Variants in KALRN observed in about 807,000 individuals in gnomAD.
The protein encoded by KALRN is kalirin.
A neutral mutation model predicts 353.7 loss-of-function variants in KALRN; 70 were observed. The ratio of observed to expected loss-of-function variants is 0.20; its 90% CI spans 0.16 to 0.24. The LOEUF (loss-of-function observed/expected upper bound fraction) is 0.24, where lower values mean the gene tolerates loss of function less well. Among genes scored for constraint, KALRN ranks in the 10% least tolerant of loss-of-function variants. The pLI, the probability that KALRN is intolerant of heterozygous loss-of-function variation, is 1.00. For synonymous variants in KALRN, 1,391 were observed against 1,434.8 expected (o/e 0.97, Z 0.69); for missense variants, 2,791 against 3,756.7 (o/e 0.74, Z 6.72).
intron 1 of KALRN, among the ~76,000 whole-genome samples, chr3:124,106,415 T>C (rs906547701): frequency 6.6e-6 from 1 of 152,158 alleles, no homozygotes. Flanking sequence ...GAGGGTGTTA[T>C]TCTCATTGTA....
intron 51 of KALRN, among the ~76,000 whole-genome samples, chr3:124,691,131 ATTAT>A (rs1220863271): frequency 1.3e-5 from 2 of 152,202 alleles, no homozygotes; most frequent in African/African-American, 4.8e-5. Flanking sequence ...TTCAAAAATA[ATTAT>A]TAAGAAAGTG....
At chr3:124,640,218 G>A (rs559114033) in intron 37 of KALRN, among the ~76,000 whole-genome samples, 5 of 151,680 alleles carry the variant, frequency 3.3e-5, no homozygotes, top group African/African-American at 1.2e-4. Context: ...AGAAGCAATA[G>A]TATTCAAAGG....
At chr3:124,089,564 G>C (rs1461750363) in intron 1 of KALRN, among the ~76,000 whole-genome samples, 1 of 152,160 alleles carries the variant, frequency 6.6e-6, no homozygotes, top group Non-Finnish European at 1.5e-5. Flanking sequence ...GAGGGAAACA[G>C]AGGAGGTAAC....
intron 1 of KALRN, among the ~76,000 whole-genome samples, chr3:124,201,863 C>T (rs2075974321): frequency 6.6e-6 from 1 of 152,194 alleles, no homozygotes; most frequent in African/African-American, 2.4e-5. Flanking sequence ...TTTACTTGGG[C>T]CACATCTATG....
chr3:124,380,912 A>T (rs115741296), intron 10 of KALRN, among the ~76,000 whole-genome samples: 2,085 of 152,312 alleles, frequency 0.014, 44 homozygotes, highest in African/African-American at 0.048. Context: ...AGGGTTGAAT[A>T]TTAACATTGG....
intron 34 of KALRN, among the ~76,000 whole-genome samples, chr3:124,619,827 G>C (rs2079077416): frequency 6.6e-6 from 1 of 151,818 alleles, no homozygotes; most frequent in African/African-American, 2.4e-5. Flanking sequence ...CCTACATACT[G>C]TTTGCATAAT....
chr3:124,227,674 T>TTTTTTG (rs1560289099), intron 1 of KALRN, among the ~76,000 whole-genome samples: 1 of 22,244 alleles, frequency 4.5e-5, no homozygotes, highest in African/African-American at 1.7e-4. Context: ...TTTTTTTTTT[T>TTTTTTG]TTTTTTTTTT....
chr3:124,060,541 G>A (rs191989589), intron 1 of KALRN, among the ~76,000 whole-genome samples: 2 of 152,290 alleles, frequency 1.3e-5, no homozygotes, highest in African/African-American at 4.8e-5. Context: ...TGGTGCACAT[G>A]GCCTACTGGC....
chr3:124,446,911 C>G, intron 21 of KALRN, 26 bp downstream of exon 21: 2 of 1,613,118 alleles, frequency 1.2e-6, no homozygotes, highest in Non-Finnish European at 1.7e-6. Flanking sequence ...GAGCCTCCCC[C>G]AGATCCACCC....
chr3:124,081,953 A>G (rs1283766633), intron 1 of KALRN, among the ~76,000 whole-genome samples: 36 of 152,206 alleles, frequency 2.4e-4, no homozygotes, highest in Non-Finnish European at 7.3e-5. Context: ...GCATCATCAT[A>G]AAAAGAATAG....
intron 1 of KALRN, among the ~76,000 whole-genome samples, chr3:124,081,604 C>T (rs992593455): frequency 6.6e-6 from 1 of 152,032 alleles, no homozygotes; most frequent in African/African-American, 2.4e-5. Context: ...GATGTTGTTT[C>T]TACTAAAAAT....
At chr3:124,307,725 A>G (rs1336313740) in intron 6 of KALRN, among the ~76,000 whole-genome samples, 2 of 152,020 alleles carry the variant, frequency 1.3e-5, no homozygotes, top group Non-Finnish European at 2.9e-5. Context: ...GAAGTATAAA[A>G]AAGACATATA....
Position 124,334,639 on chromosome 3 carries a change from C to T in KALRN, c.1647+144C>T, listed in dbSNP as rs2080938239. 1 of 629,680 alleles carries T rather than the reference C, an allele frequency of 1.6e-6. No homozygotes were observed. Among genetic ancestry groups the T allele is most frequent in the South Asian group, 2.0e-5 (1 of 50,798 alleles). The allele number at this position is 629,680 out of a possible 1,614,324, so 39.0% of individuals were successfully genotyped here. A position where few individuals can be genotyped will look rare whatever the true frequency, so the allele number is the denominator to read the frequency against. On this transcript the variant is annotated intron_variant, in intron 9 of 59. Coordinates refer to ENST00000682506, the MANE Select transcript of KALRN (RefSeq NM_001388419.1). The surrounding 1 kb of genome is among the most constrained non-coding windows in gnomAD (Gnocchi z 4.2). The stretch of plus-strand genomic sequence containing the variant: ...TTCAGCTCTCAACTGCTCCACAGAA[C>T]CCTACCAAAACACAGAACAAAAACT...
intron 9 of KALRN, among the ~76,000 whole-genome samples, chr3:124,342,192 G>A (rs545363749): frequency 5.8e-5 from 8 of 138,260 alleles, no homozygotes; most frequent in African/African-American, 2.3e-4. Flanking sequence ...ATAAATATAC[G>A]GAGTCCAAGT....
intron 1 of KALRN, among the ~76,000 whole-genome samples, chr3:124,188,051 C>T (rs182332906): frequency 3.9e-5 from 6 of 152,296 alleles, no homozygotes; most frequent in South Asian, 2.1e-4. Flanking sequence ...AAAAAACCCA[C>T]GTGTGGGCCC....
At chr3:124,210,648 G>T (rs1178738867) in intron 1 of KALRN, among the ~76,000 whole-genome samples, 2 of 152,096 alleles carry the variant, frequency 1.3e-5, no homozygotes, top group African/African-American at 4.8e-5. Flanking sequence ...AAACACAAAG[G>T]GAACTGAGGT....
At chr3:124,378,127 CT>C (rs1337762649) in intron 10 of KALRN, among the ~76,000 whole-genome samples, 3 of 151,812 alleles carry the variant, frequency 2.0e-5, no homozygotes. Flanking sequence ...CTTTTCCTCC[CT>C]TTTTTTGCTT....
chr3:124,540,757 T>C (rs1270061011), intron 33 of KALRN, among the ~76,000 whole-genome samples: 2 of 152,196 alleles, frequency 1.3e-5, no homozygotes, highest in Non-Finnish European at 2.9e-5. Flanking sequence ...TTGGCAGATC[T>C]AGGGCCACTC....
chr3:124,069,926 C>G (rs1484869841), intron 1 of KALRN, among the ~76,000 whole-genome samples: 1 of 152,072 alleles, frequency 6.6e-6, no homozygotes, highest in East Asian at 1.9e-4. Flanking sequence ...TACTGGAGAG[C>G]CTTTCTTATC....
Sources: allele counts gnomAD v4.1 joint callset (sites outside exome capture counted in the v4.1 genomes callset), GRCh38; gene constraint gnomAD v4.1.1; non-coding constraint Gnocchi (gnomAD v3.1); transcripts MANE v1.5; gene names NCBI Gene and HGNC (gene_info 2026-07-23, HGNC 2026-07-21).